Variants in SASS6 observed in about 807,000 individuals in gnomAD.
SASS6 encodes SAS-6 centriolar assembly protein.
Under a neutral mutation model 94.9 loss-of-function variants are expected in SASS6, and 59 were observed. The observed-to-expected ratio is 0.62, with a 90% confidence interval of 0.50 to 0.77. SASS6 has a LOEUF of 0.77. SASS6 is among the 30% of genes least tolerant of loss of function. The probability of loss-of-function intolerance (pLI) is 0.00; values close to 1 mark genes in which losing one functional copy is unlikely to be tolerated. For synonymous variants in SASS6, 264 were observed against 270.0 expected (o/e 0.98, Z 0.22); for missense variants, 698 against 734.1 (o/e 0.95, Z 0.57).
At chr1:100,122,725 G>T (rs755641875) in intron 3 of SASS6, among the ~76,000 whole-genome samples, 1 of 151,698 alleles carries the variant, frequency 6.6e-6, no homozygotes, top group East Asian at 1.9e-4. Flanking sequence ...GCTAATTTTT[G>T]TATTTTTAGT....
chr1:100,085,251 A>T lies in SASS6; in HGVS notation c.*77T>A. ...AAAATTTGAAACTTGCTATTTGAGG[A>T]TCTGGTTTGTGTTGACATATTTTTT... On this transcript the variant is annotated 3_prime_UTR_variant, in exon 17 of 17. Coordinates refer to ENST00000287482, the MANE Select transcript of SASS6 (RefSeq NM_194292.3). 1 of 886,910 alleles carries T rather than the reference A, an allele frequency of 1.1e-6. No homozygotes were observed. Among genetic ancestry groups the T allele is most frequent in the South Asian group, 1.3e-5 (1 of 74,238 alleles). 54.9% of individuals were successfully genotyped at this position (886,910 alleles called of 1,614,324 possible).
chr1:100,128,300 G>A (rs571063063), intron 1 of SASS6, among the ~76,000 whole-genome samples: 8 of 152,176 alleles, frequency 5.3e-5, no homozygotes, highest in Non-Finnish European at 1.2e-4. Context: ...GCCTCCCAAA[G>A]TGATAGCAGT....
At chr1:100,125,995 T>C in intron 1 of SASS6, 53 bp from the exon 2 acceptor site, 4 of 890,282 alleles carry the variant, frequency 4.5e-6, no homozygotes, top group Non-Finnish European at 7.1e-6. Context: ...AAATGAGTTA[T>C]CACTATCATT....
intron 14 of SASS6, among the ~76,000 whole-genome samples, chr1:100,091,588 T>C (rs1180478339): frequency 7.0e-6 from 1 of 142,640 alleles, no homozygotes; most frequent in African/African-American, 2.6e-5. Context: ...ATTATAACCG[T>C]GCTCTAATAA....
At chr1:100,101,666 C>T (rs1434184871) in intron 14 of SASS6, among the ~76,000 whole-genome samples, 1 of 152,100 alleles carries the variant, frequency 6.6e-6, no homozygotes, top group Non-Finnish European at 1.5e-5. Flanking sequence ...TATACTGAAA[C>T]TGATAATAAA....
chr1:100,125,490 C>T (rs1164204154), intron 2 of SASS6, among the ~76,000 whole-genome samples: 2 of 151,162 alleles, frequency 1.3e-5, no homozygotes, highest in African/African-American at 2.4e-5. Flanking sequence ...ACCATCCTGG[C>T]CAACATGGTG....
At chr1:100,085,671 T>C (rs1651197386) in intron 15 of SASS6, 41 bp from the exon 16 acceptor site, 12 of 1,266,250 alleles carry the variant, frequency 9.5e-6, no homozygotes, top group Admixed American at 3.6e-5. Context: ...ACAAAGTCTT[T>C]ATTAACTTTG....
intron 15 of SASS6, among the ~76,000 whole-genome samples, chr1:100,086,013 G>A (rs1651220537): frequency 6.6e-6 from 1 of 151,990 alleles, no homozygotes; most frequent in Non-Finnish European, 1.5e-5. Context: ...TTGACCAAAA[G>A]CTCTTCGAAA....
At chr1:100,124,349 A>G (rs1654413202) in intron 2 of SASS6, among the ~76,000 whole-genome samples, 1 of 152,182 alleles carries the variant, frequency 6.6e-6, no homozygotes, top group African/African-American at 2.4e-5. Context: ...GAATGTGTTC[A>G]GGGAAAGCTA....
intron 14 of SASS6, among the ~76,000 whole-genome samples, chr1:100,092,802 C>G (rs1014590396): frequency 1.3e-5 from 2 of 152,002 alleles, no homozygotes; most frequent in Admixed American, 6.6e-5. Context: ...GTCTCGATCT[C>G]CTGACCTTGT....
At position 100,085,413 on chromosome 1, in the gene SASS6, A is replaced by G. The variant is rs1204613268; in HGVS notation, c.1889T>C (p.Leu630Ser). Residue 630 changes from leucine to serine, a missense_variant, in exon 17 of 17, where the codon TTA becomes TCA. Leu to Ser is a moderately radical substitution (Grantham distance 145, BLOSUM62 -2). Transcript: ENST00000287482. ...TTTGGAAGATGTATGTAATGCTCCT[A>G]AAGTGCCATCTCTCTGATGGTCTGC... ...SNSDHQRDGT[L>S]GALHTSSKPT... The G allele has an allele frequency of 5.0e-6, 8 of 1,612,862 alleles. No homozygotes were observed. The highest frequency in any genetic ancestry group is 1.1e-5 in the South Asian group (1 of 91,058).
chr1:100,127,398 G>A (rs1230748510), intron 1 of SASS6, among the ~76,000 whole-genome samples: 1 of 152,196 alleles, frequency 6.6e-6, no homozygotes, highest in African/African-American at 2.4e-5. Flanking sequence ...ATCAAGGCTA[G>A]ATTCAATTGT....
At chr1:100,132,663 G>T in intron 1 of SASS6, 87 bp downstream of exon 1, 1 of 1,118,652 alleles carries the variant, frequency 8.9e-7, no homozygotes, top group Non-Finnish European at 1.4e-6. Flanking sequence ...TAGGTGCAAG[G>T]TGGATCCCAC....
In SASS6 at chr1:100,085,213, T is replaced by TGCA. The variant is rs1651147712; in HGVS notation, c.*114_*115insTGC. 12 of 740,940 alleles carry TGCA rather than the reference T, an allele frequency of 1.6e-5. No individual in the cohort carries two copies. The highest frequency in any genetic ancestry group is 3.5e-5 in the African/African-American group (2 of 57,262). The allele number at this position is 740,940 out of a possible 1,614,324, so 45.9% of individuals were successfully genotyped here. The stretch of plus-strand genomic sequence containing the variant: ...AGCAGTACTTAAAGTATCCAGTCTT[T>TGCA]AACAGCTCAAGTAAAATTTGAAACT... On this transcript the variant is annotated 3_prime_UTR_variant, in exon 17 of 17. Coordinates refer to ENST00000287482, the MANE Select transcript of SASS6 (RefSeq NM_194292.3).
intron 4 of SASS6, 51 bp from the exon 5 acceptor site, chr1:100,121,600 C>CTCTCACTGAATCAGAAGCT: frequency 1.9e-6 from 2 of 1,030,288 alleles, no homozygotes; most frequent in South Asian, 2.9e-5. Flanking sequence ...TAGTGAAAAT[C>CTCTCACTGAATCAGAAGCT]TCTCACTGAA....
In SASS6 at chr1:100,083,972, A is replaced by C. The variant is rs557774797; in HGVS notation, c.*1356T>G. 2 of 152,092 alleles carry C rather than the reference A, an allele frequency of 1.3e-5. No homozygotes were observed. The highest frequency in any genetic ancestry group is 4.8e-5 in the African/African-American group (2 of 41,542). The allele number at this position is 152,092 out of a possible 1,614,324, so 9.4% of individuals were successfully genotyped here. ...TCACCAAGAGGCTTCTTTCCAGAATAGCAAGTGCTTTCAAGTTACTGTACC... is the reference window on the plus strand; with the variant it reads ...TCACCAAGAGGCTTCTTTCCAGAATCGCAAGTGCTTTCAAGTTACTGTACC... On this transcript the variant is annotated 3_prime_UTR_variant, in exon 17 of 17. Coordinates refer to ENST00000287482, the MANE Select transcript of SASS6 (RefSeq NM_194292.3).
Position 100,085,666 on chromosome 1 carries a change from GTCTT to G in SASS6, c.1773-40_1773-37del, listed in dbSNP as rs770601935. ...AAATGGTAATAACTTATTTAACAAA[GTCTT>G]TATTAACTTTGAAGGTTTATCTCAT... is the stretch of plus-strand genomic sequence containing the variant. On this transcript the variant is annotated intron_variant, in intron 15 of 16. Transcript: ENST00000287482. The G allele has an allele frequency of 1.0e-5, 13 of 1,303,372 alleles. No homozygotes were observed. The Admixed American group carries it at 1.6e-4, about 16-fold the overall frequency. 80.7% of individuals were successfully genotyped at this position (1,303,372 alleles called of 1,614,324 possible).
chr1:100,116,417 A>G (rs1653804259), intron 7 of SASS6, among the ~76,000 whole-genome samples: 1 of 152,216 alleles, frequency 6.6e-6, no homozygotes. Flanking sequence ...AGTATTACAT[A>G]CCCATAGAAT....
At position 100,125,207 on chromosome 1, in the gene SASS6, A is replaced by G. The variant is rs182860578; in HGVS notation, c.126+675T>C. Reference sequence around the variant, plus strand: ...TTTACATTTATACCATGAAATGCCAATTCTACAAGGCAGCAGTGTGTGTGT... The same window carrying G: ...TTTACATTTATACCATGAAATGCCAGTTCTACAAGGCAGCAGTGTGTGTGT... On this transcript the variant is annotated intron_variant, in intron 2 of 16. Transcript: ENST00000287482. Among the ~76,000 whole-genome samples, 1,264 of 148,056 alleles carry G rather than the reference A, an allele frequency of 8.5e-3. 10 individuals are homozygous for G. The highest frequency in any genetic ancestry group is 0.013 in the Non-Finnish European group (899 of 67,540).
Sources: allele counts gnomAD v4.1 joint callset (sites outside exome capture counted in the v4.1 genomes callset), GRCh38; gene constraint gnomAD v4.1.1; transcripts MANE v1.5; gene names NCBI Gene and HGNC (gene_info 2026-07-23, HGNC 2026-07-21).